SKAP2: variants seen among roughly 807,000 people sequenced by gnomAD.
The protein encoded by SKAP2 is src kinase-associated phosphoprotein 2.
In SKAP2, 28 loss-of-function variants were observed where a neutral mutation model predicts 54.9. The observed-to-expected ratio is 0.51, with a 90% CI of 0.38 to 0.70. The LOEUF (loss-of-function observed/expected upper bound fraction) is 0.70, where lower values mean the gene tolerates loss of function less well. Among genes scored for constraint, SKAP2 ranks in the 30% least tolerant of loss-of-function variants. The pLI is 0.00. For synonymous variants in SKAP2, 137 were observed against 134.3 expected (o/e 1.02, Z -0.14); for missense variants, 356 against 424.1 (o/e 0.84, Z 1.41).
intron 11 of SKAP2, among the ~76,000 whole-genome samples, chr7:26,682,378 C>T (rs935029869): frequency 4.6e-5 from 7 of 152,150 alleles, no homozygotes; most frequent in African/African-American, 1.4e-4. Context: ...CCAAGACACC[C>T]ATCAATAGCC....
chr7:26,717,165 G>C (rs1044531783), intron 9 of SKAP2, among the ~76,000 whole-genome samples: 2 of 152,088 alleles, frequency 1.3e-5, no homozygotes, highest in African/African-American at 4.8e-5. Context: ...GCAAGGCGTA[G>C]AGCCAGACAA....
chr7:26,837,195 G>A (rs1169673288), intron 4 of SKAP2, among the ~76,000 whole-genome samples: 2 of 152,226 alleles, frequency 1.3e-5, no homozygotes, highest in East Asian at 3.9e-4. Context: ...GGGGGTTGGG[G>A]GCTAGGGGAG....
At chr7:26,671,237 G>A (rs964582328) in intron 11 of SKAP2, among the ~76,000 whole-genome samples, 3 of 152,020 alleles carry the variant, frequency 2.0e-5, no homozygotes, top group Admixed American at 6.6e-5. Context: ...CTCTTCACAA[G>A]CATTGTAGTG....
In SKAP2 at chr7:26,810,935, C is replaced by T. The variant is rs537084275; in HGVS notation, c.307+33095G>A. Among the ~76,000 whole-genome samples the T allele has an allele frequency of 7.2e-5, 11 of 152,274 alleles. No individual in the cohort carries two copies. In the South Asian group the frequency reaches 2.3e-3, roughly 32 times the overall value. ...GACCTCATGATCCGCGCACCTCGGC[C>T]TCCCAAAGTGCTGGGAATACAGGCA... On this transcript the variant is annotated intron_variant, in intron 4 of 12. Coordinates refer to ENST00000345317, the MANE Select transcript of SKAP2 (RefSeq NM_003930.5).
intron 7 of SKAP2, 101 bp downstream of exon 7, chr7:26,726,778 ATTG>A (rs1787718716): frequency 3.3e-6 from 3 of 916,254 alleles, no homozygotes; most frequent in Non-Finnish European, 4.6e-6. Flanking sequence ...TATTTTTATT[ATTG>A]TTAACATGTC....
intron 4 of SKAP2, among the ~76,000 whole-genome samples, chr7:26,793,499 A>G (rs1000521609): frequency 6.6e-6 from 1 of 152,252 alleles, no homozygotes; most frequent in Non-Finnish European, 1.5e-5. Context: ...TTGCCTTTTC[A>G]TAAGTCTAAG....
At chr7:26,754,188 A>T (rs1584370157) in intron 4 of SKAP2, among the ~76,000 whole-genome samples, 1 of 151,984 alleles carries the variant, frequency 6.6e-6, no homozygotes, top group Non-Finnish European at 1.5e-5. Flanking sequence ...AGATGGTGAA[A>T]CCCCTTCTCC....
At chr7:26,818,417 C>T (rs991860798) in intron 4 of SKAP2, among the ~76,000 whole-genome samples, 2 of 152,162 alleles carry the variant, frequency 1.3e-5, no homozygotes. Context: ...CCCTTCCTTA[C>T]ACCTTATACA....
At chr7:26,739,146 A>G (rs1450971490) in intron 5 of SKAP2, among the ~76,000 whole-genome samples, 1 of 152,238 alleles carries the variant, frequency 6.6e-6, no homozygotes, top group Non-Finnish European at 1.5e-5. Context: ...CTGACTATAC[A>G]GTCTTGAGAT....
At chr7:26,836,034 T>G (rs189932060) in intron 4 of SKAP2, among the ~76,000 whole-genome samples, 1 of 152,066 alleles carries the variant, frequency 6.6e-6, no homozygotes, top group Non-Finnish European at 1.5e-5. Context: ...ACAGAAATAA[T>G]GCCACACATC....
chr7:26,725,329 A>G, intron 9 of SKAP2, 99 bp downstream of exon 9: 2 of 775,004 alleles, frequency 2.6e-6, no homozygotes, highest in Non-Finnish European at 3.9e-6. Context: ...TTTTCTACTC[A>G]AGCTGTCGAG....
chr7:26,753,844 G>A (rs1782734464), intron 4 of SKAP2, among the ~76,000 whole-genome samples: 1 of 152,072 alleles, frequency 6.6e-6, no homozygotes, highest in South Asian at 2.1e-4. Context: ...AAACCAATGA[G>A]GAGACAGAAG....
intron 9 of SKAP2, among the ~76,000 whole-genome samples, chr7:26,715,408 T>C (rs779356926): frequency 2.7e-5 from 4 of 149,872 alleles, no homozygotes; most frequent in African/African-American, 5.1e-5. Flanking sequence ...CCTTGAATCA[T>C]TGTAAATAAT....
intron 3 of SKAP2, among the ~76,000 whole-genome samples, chr7:26,847,174 T>A (rs1784940648): frequency 6.6e-6 from 1 of 152,128 alleles, no homozygotes; most frequent in Non-Finnish European, 1.5e-5. Context: ...TTCTTCCTTA[T>A]TTTTTTCTCC....
intron 9 of SKAP2, among the ~76,000 whole-genome samples, chr7:26,717,548 A>G (rs1787479547): frequency 7.3e-6 from 1 of 137,258 alleles, no homozygotes; most frequent in African/African-American, 2.7e-5. Flanking sequence ...AAAAAGGGCC[A>G]GATGCTGTGG....
chr7:26,772,747 C>T (rs1783214480), intron 4 of SKAP2, among the ~76,000 whole-genome samples: 1 of 152,200 alleles, frequency 6.6e-6, no homozygotes. Flanking sequence ...GAAACTCAAT[C>T]CACGTGTGTG....
chr7:26,836,929 A>G (rs1178082648), intron 4 of SKAP2, among the ~76,000 whole-genome samples: 3 of 152,240 alleles, frequency 2.0e-5, no homozygotes, highest in African/African-American at 7.2e-5. Flanking sequence ...AAAGACTTGG[A>G]GCCAACCCAA....
chr7:26,740,902 C>T (rs1435221465), intron 4 of SKAP2, among the ~76,000 whole-genome samples: 1 of 151,940 alleles, frequency 6.6e-6, no homozygotes, highest in African/African-American at 2.4e-5. Flanking sequence ...GCAGGAGAAT[C>T]ACTCGAACCC....
chr7:26,716,063 AT>A (rs1787427418), intron 9 of SKAP2, among the ~76,000 whole-genome samples: 6 of 152,234 alleles, frequency 3.9e-5, no homozygotes. Context: ...CTGTGAACAC[AT>A]ATGTAGTCAA....
Sources: gnomAD v4.1 joint callset for allele counts (sites outside exome capture counted in the v4.1 genomes callset) on GRCh38, gnomAD v4.1.1 for gene constraint, MANE v1.5 for transcripts, NCBI Gene and HGNC (gene_info 2026-07-23, HGNC 2026-07-21) for gene names.